The following HDLBP variants were observed in gnomAD, a reference collection of about 807,000 sequenced individuals.
The protein encoded by HDLBP is high density lipoprotein binding protein, also known as vigilin.
In HDLBP, 30 loss-of-function variants were observed where a neutral mutation model predicts 137.3. The observed-to-expected ratio is 0.22, with a 90% CI of 0.16 to 0.30. The LOEUF is 0.30. HDLBP is among the 10% of genes least tolerant of loss of function. The probability of loss-of-function intolerance (pLI) is 1.00; values close to 1 mark genes in which losing one functional copy is unlikely to be tolerated. For missense variants in HDLBP, 1,119 were observed against 1,667.3 expected (o/e 0.67, Z 5.73); for synonymous variants, 606 against 596.0 (o/e 1.02, Z -0.24).
intron 1 of HDLBP, among the ~76,000 whole-genome samples, chr2:241,296,384 T>C (rs957851282): frequency 6.6e-6 from 1 of 152,150 alleles, no homozygotes; most frequent in Non-Finnish European, 1.5e-5. Context: ...ATGTAAACAA[T>C]CAAACCCTGA....
rs969581778 is a variant in HDLBP at position 241,272,151 on chromosome 2, C to T, written c.-102-3610G>A. ...CCAGGCCCAAGAAGAGCAGCTTTCC[C>T]CACCCCCGAACACGTAGACTGACGC... is the stretch of plus-strand genomic sequence containing the variant. On this transcript the variant is annotated intron_variant, in intron 1 of 27. Transcript: ENST00000310931. The surrounding 1 kb of genome is among the most constrained non-coding windows in gnomAD (Gnocchi z 5.6). 1.7e-5 allele frequency: 17 copies of T among 984,226 alleles called. No individual in the cohort carries two copies. The highest frequency in any genetic ancestry group is 2.1e-5 in the Non-Finnish European group (17 of 828,930). 61.0% of individuals were successfully genotyped at this position (984,226 alleles called of 1,614,324 possible). A position where few individuals can be genotyped will look rare whatever the true frequency, so the allele number is the denominator to read the frequency against.
intron 3 of HDLBP, 89 bp downstream of exon 3, chr2:241,266,705 C>G: frequency 1.1e-6 from 1 of 903,044 alleles, no homozygotes; most frequent in Non-Finnish European, 1.8e-6. Context: ...CCAAAAGGTA[C>G]TTCTAGAAAG....
At chr2:241,268,928 G>A (rs1390016383) in intron 1 of HDLBP, 1 of 152,264 alleles carries the variant, frequency 6.6e-6, no homozygotes, top group Non-Finnish European at 1.5e-5. Flanking sequence ...TGAACCAGAA[G>A]AAGGGTTGTT....
chr2:241,306,159 A>T (rs1252174306), intron 1 of HDLBP, among the ~76,000 whole-genome samples: 2 of 151,992 alleles, frequency 1.3e-5, no homozygotes, highest in African/African-American at 2.4e-5. Flanking sequence ...TCCAAGTGTT[A>T]TCCTTCCAAA....
At chr2:241,236,586 G>A in intron 21 of HDLBP, 29 bp downstream of exon 21, 1 of 1,611,624 alleles carries the variant, frequency 6.2e-7, no homozygotes, top group Non-Finnish European at 8.5e-7. Flanking sequence ...GCCTTGGCGG[G>A]GGGTGGAGGG....
At chr2:241,304,698 A>G (rs1023280398) in intron 1 of HDLBP, among the ~76,000 whole-genome samples, 4 of 152,252 alleles carry the variant, frequency 2.6e-5, no homozygotes, top group Non-Finnish European at 5.9e-5. Flanking sequence ...TTCAGCACCG[A>G]ATACCTATCT....
chr2:241,266,056 A>T (rs935457051), intron 3 of HDLBP, among the ~76,000 whole-genome samples: 2 of 152,250 alleles, frequency 1.3e-5, no homozygotes, highest in African/African-American at 4.8e-5. Context: ...TGTTTCGAAC[A>T]ACCTGGAGTA....
Position 241,272,724 on chromosome 2 carries a change from CCCGCCCAGG to C in HDLBP, c.-102-4192_-102-4184del. On this transcript the variant is annotated intron_variant, in intron 1 of 27. Transcript: ENST00000310931. This position sits in a 1 kb window ranked among gnomAD's most constrained non-coding sequence, Gnocchi z 5.6. ...GCAGCCCGCCCGCCCCGTCCGCCCG[CCCGCCCAGG>C]CCTCCCAGCCCCGTGTTGCGCGCTC... 2.1e-6 allele frequency: 1 copy of C among 482,026 alleles called. No homozygotes were observed. The highest frequency in any genetic ancestry group is 2.7e-6 in the Non-Finnish European group (1 of 374,344). 29.9% of individuals were successfully genotyped at this position (482,026 alleles called of 1,614,324 possible).
intron 1 of HDLBP, among the ~76,000 whole-genome samples, chr2:241,274,702 G>A (rs1181647168): frequency 2.0e-5 from 3 of 152,166 alleles, no homozygotes; most frequent in East Asian, 1.9e-4. Context: ...GCTAATAACC[G>A]TCCAGAATGC....
At chr2:241,245,072 A>T (rs949051126) in intron 16 of HDLBP, among the ~76,000 whole-genome samples, 2 of 152,218 alleles carry the variant, frequency 1.3e-5, no homozygotes, top group African/African-American at 2.4e-5. Flanking sequence ...TGAGGAAAAA[A>T]ATTACAGTAA....
chr2:241,258,960 C>T (rs1481954179), intron 5 of HDLBP, among the ~76,000 whole-genome samples: 1 of 152,118 alleles, frequency 6.6e-6, no homozygotes, highest in Non-Finnish European at 1.5e-5. Context: ...CCAGCCATCT[C>T]ACTTCTAGGA....
Position 241,262,703 on chromosome 2 carries a change from C to CT in HDLBP, c.450+7dup. On this transcript the variant is annotated splice_region_variant and intron_variant, in intron 5 of 27. Coordinates refer to ENST00000310931, the MANE Select transcript of HDLBP (RefSeq NM_005336.6). ...TCACTGGGGAGAAGTAGGCCTCAGGCTACCCACCTGAGTCTGCAGTCTAGC... is the reference window on the plus strand; with the variant it reads ...TCACTGGGGAGAAGTAGGCCTCAGGCTTACCCACCTGAGTCTGCAGTCTAGC... 1 of 1,599,842 alleles carries CT rather than the reference C, an allele frequency of 6.3e-7. No individual in the cohort carries two copies. Among genetic ancestry groups the CT allele is most frequent in the South Asian group, 1.1e-5 (1 of 90,750 alleles).
At chr2:241,246,442 A>T in intron 16 of HDLBP, 1 of 300,378 alleles carries the variant, frequency 3.3e-6, no homozygotes. Flanking sequence ...CTGCATGTCA[A>T]TTTTTTTTAA....
chr2:241,230,827 G>A lies in HDLBP; in HGVS notation c.3406C>T (p.His1136Tyr). The change falls in exon 25 of 28, where the codon CAC becomes TAC. Residue 1136 changes from histidine to tyrosine, a missense_variant. His to Tyr is a moderately conservative substitution (Grantham distance 83). Around this residue, in one of 4 missense-constraint regions of HDLBP, gnomAD observed 618 missense variants for 816.7 expected, o/e 0.76. Coordinates refer to ENST00000310931, the MANE Select transcript of HDLBP (RefSeq NM_005336.6). The surrounding 1 kb of genome is among the most constrained non-coding windows in gnomAD (Gnocchi z 5.0). The stretch of plus-strand genomic sequence containing the variant: ...CCAATGATGCGGGCGTGAACGCGGT[G>A]GTCCAGCGGGACGTCCTCAGAAACC... ...QMVSEDVPLD[H>Y]RVHARIIGAR... The A allele has an allele frequency of 6.2e-7, 1 of 1,614,212 alleles. No individual in the cohort carries two copies.
intron 1 of HDLBP, chr2:241,273,780 A>G (rs12619677): frequency 0.36 from 167,166 of 460,290 alleles, 31,186 homozygotes; most frequent in East Asian, 0.52. Context: ...GCCTGCAGCC[A>G]GGCCACGGGT....
At chr2:241,244,600 G>A (rs11903684) in intron 16 of HDLBP, among the ~76,000 whole-genome samples, 2,107 of 152,248 alleles carry the variant, frequency 0.014, 54 homozygotes, top group African/African-American at 0.048. Context: ...CTTTTCGAAA[G>A]TGAAGGAAAA....
chr2:241,292,331 A>C (rs959137218), intron 1 of HDLBP, among the ~76,000 whole-genome samples: 2 of 152,210 alleles, frequency 1.3e-5, no homozygotes, highest in African/African-American at 2.4e-5. Flanking sequence ...CAGCACAAAC[A>C]ACCCTATTGC....
intron 17 of HDLBP, among the ~76,000 whole-genome samples, chr2:241,241,562 G>A (rs868221089): frequency 2.0e-4 from 15 of 74,274 alleles, no homozygotes; most frequent in Non-Finnish European, 3.1e-4. Context: ...GCAAGACTCC[G>A]TCTCAAAAAA....
chr2:241,248,212 T>C lies in HDLBP; in HGVS notation c.1617+32A>G, dbSNP rs750395091. On this transcript the variant is annotated intron_variant, in intron 13 of 27. Coordinates refer to ENST00000310931, the MANE Select transcript of HDLBP (RefSeq NM_005336.6). ...TGAAGTGTGACTTGGATCACTCCTA[T>C]AGAGTTACAGAATGTCTCTGGGAAA... The C allele has an allele frequency of 5.7e-6, 9 of 1,574,632 alleles. No homozygotes were observed. The East Asian group carries it at 6.7e-5, about 12-fold the overall frequency.
Sources: allele counts gnomAD v4.1 joint callset (sites outside exome capture counted in the v4.1 genomes callset), GRCh38; gene constraint gnomAD v4.1.1; regional missense constraint gnomAD v4.1.1; non-coding constraint Gnocchi (gnomAD v3.1); transcripts MANE v1.5; gene names NCBI Gene and HGNC (gene_info 2026-07-23, HGNC 2026-07-21).